Variants in RAB28 observed in about 807,000 individuals in gnomAD.
The protein encoded by RAB28 is ras-related protein Rab-28.
Under a neutral mutation model 31.7 loss-of-function variants are expected in RAB28, and 24 were observed. The ratio of observed to expected loss-of-function variants is 0.76; its 90% CI spans 0.55 to 1.06. The LOEUF is 1.06. Among genes scored for constraint, RAB28 ranks in the 50% least tolerant of loss-of-function variants. The pLI, the probability that RAB28 is intolerant of heterozygous loss-of-function variation, is 0.00. For synonymous variants in RAB28, 100 were observed against 90.4 expected (o/e 1.11, Z -0.60); for missense variants, 254 against 258.5 (o/e 0.98, Z 0.12).
chr4:13,379,114 G>A (rs1729031556), intron 5 of RAB28, among the ~76,000 whole-genome samples: 1 of 151,388 alleles, frequency 6.6e-6, no homozygotes, highest in African/African-American at 2.4e-5. Flanking sequence ...GGCTGAGGCG[G>A]AGAATTGCTT....
intron 2 of RAB28, among the ~76,000 whole-genome samples, chr4:13,478,858 T>C (rs1716483501): frequency 1.3e-5 from 2 of 151,642 alleles, no homozygotes; most frequent in South Asian, 4.1e-4. Flanking sequence ...CTTTGCATGG[T>C]GAAGTGAAAC....
chr4:13,408,217 A>G (rs1231008376), intron 4 of RAB28, among the ~76,000 whole-genome samples: 1 of 152,182 alleles, frequency 6.6e-6, no homozygotes, highest in African/African-American at 2.4e-5. Context: ...AGTTTTTAGC[A>G]CTAAGGGTTG....
chr4:13,387,752 A>G (rs1729441406), intron 4 of RAB28, among the ~76,000 whole-genome samples: 1 of 152,074 alleles, frequency 6.6e-6, no homozygotes, highest in Non-Finnish European at 1.5e-5. Flanking sequence ...TTCAATTTCA[A>G]AAAAAATTTT....
At chr4:13,379,477 T>C (rs1367807886) in intron 5 of RAB28, among the ~76,000 whole-genome samples, 1 of 152,096 alleles carries the variant, frequency 6.6e-6, no homozygotes, top group Non-Finnish European at 1.5e-5. Flanking sequence ...TGAGAGTATA[T>C]GCATGGCAAT....
chr4:13,431,849 G>A (rs1459397572), intron 4 of RAB28, among the ~76,000 whole-genome samples: 1 of 152,086 alleles, frequency 6.6e-6, no homozygotes, highest in African/African-American at 2.4e-5. Flanking sequence ...CCTCAGATGA[G>A]AAGGAATCAG....
chr4:13,423,531 T>C (rs1337484854), intron 4 of RAB28, among the ~76,000 whole-genome samples: 3 of 152,032 alleles, frequency 2.0e-5, no homozygotes, highest in South Asian at 2.1e-4. Flanking sequence ...TAATTCATGA[T>C]GTGAAATATA....
At chr4:13,413,692 GAT>G (rs1048742729) in intron 4 of RAB28, among the ~76,000 whole-genome samples, 1 of 152,156 alleles carries the variant, frequency 6.6e-6, no homozygotes, top group African/African-American at 2.4e-5. Context: ...GAAAAGAAGA[GAT>G]AGTTTTTTTA....
intron 5 of RAB28, among the ~76,000 whole-genome samples, chr4:13,379,205 CAAAAAAAAAAA>C (rs34341516): frequency 1.7e-5 from 1 of 57,964 alleles, no homozygotes; most frequent in African/African-American, 6.1e-5. Flanking sequence ...AACTCTGTCT[CAAAAAAAAAAA>C]AAAAAAAAAA....
At chr4:13,377,398 C>T (rs1728964470) in intron 5 of RAB28, among the ~76,000 whole-genome samples, 1 of 152,156 alleles carries the variant, frequency 6.6e-6, no homozygotes, top group African/African-American at 2.4e-5. Context: ...TTAATTTTTA[C>T]TTCTAACAAA....
chr4:13,422,741 G>A (rs926278268), intron 4 of RAB28, among the ~76,000 whole-genome samples: 1 of 151,696 alleles, frequency 6.6e-6, no homozygotes, highest in Non-Finnish European at 1.5e-5. Flanking sequence ...TACACACAGG[G>A]GCCTGTCATG....
At position 13,409,572 on chromosome 4, in the gene RAB28, G is replaced by A. The variant is rs1712304655; in HGVS notation, c.392-27978C>T. Among the ~76,000 whole-genome samples the A allele has an allele frequency of 2.0e-5, 3 of 152,276 alleles. No homozygotes were observed. The South Asian group carries it at 6.2e-4, about 32-fold the overall frequency. On this transcript the variant is annotated intron_variant, in intron 4 of 6. Transcript: ENST00000330852. ...GGGAGAGATCTGGCAGGAGCTGGAG[G>A]AAATGCAGGAACTGCTGGTCCACAT... is the stretch of plus-strand genomic sequence containing the variant.
At chr4:13,430,011 G>C (rs989207850) in intron 4 of RAB28, among the ~76,000 whole-genome samples, 2 of 152,192 alleles carry the variant, frequency 1.3e-5, no homozygotes, top group East Asian at 1.9e-4. Flanking sequence ...ACAGAAGTGA[G>C]AGTCCAGCAA....
intron 4 of RAB28, among the ~76,000 whole-genome samples, chr4:13,423,342 C>A (rs1713282399): frequency 6.6e-6 from 1 of 152,066 alleles, no homozygotes; most frequent in Non-Finnish European, 1.5e-5. Context: ...TCGAGACCAG[C>A]CTGGCCAACA....
intron 4 of RAB28, among the ~76,000 whole-genome samples, chr4:13,426,980 CATT>C (rs970831779): frequency 6.6e-6 from 1 of 152,162 alleles, no homozygotes; most frequent in African/African-American, 2.4e-5. Context: ...TATTAATCAT[CATT>C]AACATCCTCC....
At chr4:13,416,991 G>T (rs572622922) in intron 4 of RAB28, among the ~76,000 whole-genome samples, 1 of 152,248 alleles carries the variant, frequency 6.6e-6, no homozygotes, top group Non-Finnish European at 1.5e-5. Context: ...AGCCAAGGAA[G>T]CCATGACAGA....
chr4:13,445,884 T>C (rs770464947), intron 4 of RAB28, among the ~76,000 whole-genome samples: 10 of 152,126 alleles, frequency 6.6e-5, no homozygotes, highest in Non-Finnish European at 1.3e-4. Context: ...TGGTATGCTG[T>C]GCTGGGAGAA....
intron 4 of RAB28, among the ~76,000 whole-genome samples, chr4:13,459,038 G>T (rs1428370175): frequency 6.6e-6 from 1 of 152,204 alleles, no homozygotes; most frequent in African/African-American, 2.4e-5. Context: ...CTAATCAACT[G>T]CCAGTATGGC....
At chr4:13,483,455 A>G (rs567342199) in intron 1 of RAB28, among the ~76,000 whole-genome samples, 5 of 152,328 alleles carry the variant, frequency 3.3e-5, no homozygotes, top group African/African-American at 1.2e-4. Flanking sequence ...TAAAATAGCA[A>G]CTAGAGTGTA....
chr4:13,373,909 C>T (rs1176105041), intron 6 of RAB28, among the ~76,000 whole-genome samples: 1 of 151,866 alleles, frequency 6.6e-6, no homozygotes, highest in Non-Finnish European at 1.5e-5. Context: ...AATGTCGCAA[C>T]AACCACATGC....
Sources: gnomAD v4.1 joint callset for allele counts (sites outside exome capture counted in the v4.1 genomes callset) on GRCh38, gnomAD v4.1.1 for gene constraint, MANE v1.5 for transcripts, NCBI Gene and HGNC (gene_info 2026-07-23, HGNC 2026-07-21) for gene names.